Variants in CACNA1D observed in about 807,000 individuals in gnomAD.
CACNA1D encodes the protein calcium voltage-gated channel subunit alpha1 D.
CACNA1D carries 55 observed loss-of-function variants against 257.1 expected under a neutral mutation model. The ratio of observed to expected loss-of-function variants is 0.21; its 90% CI spans 0.17 to 0.27. CACNA1D has a LOEUF of 0.27. Ranked by LOEUF, CACNA1D falls within the 10% of genes least tolerant of loss-of-function variation. The pLI, the probability that CACNA1D is intolerant of heterozygous loss-of-function variation, is 1.00. For synonymous variants in CACNA1D, 980 were observed against 1,014.9 expected (o/e 0.97, Z 0.65); for missense variants, 1,876 against 2,784.0 (o/e 0.67, Z 7.34).
chr3:53,628,934 C>A (rs1409801382), intron 3 of CACNA1D, among the ~76,000 whole-genome samples: 2 of 152,208 alleles, frequency 1.3e-5, no homozygotes, highest in African/African-American at 4.8e-5. Context: ...ATTCTCTTTT[C>A]TTTTTCTGGC....
intron 3 of CACNA1D, among the ~76,000 whole-genome samples, chr3:53,575,276 G>A (rs1048747032): frequency 3.3e-5 from 5 of 152,162 alleles, no homozygotes; most frequent in Non-Finnish European, 7.4e-5. Flanking sequence ...GAGAATGCAG[G>A]TCAAGGTCAG....
chr3:53,802,035 A>T (rs533191466), intron 42 of CACNA1D, 112 bp from the exon 43 acceptor site: 1 of 939,178 alleles, frequency 1.1e-6, no homozygotes, highest in Admixed American at 1.7e-5. Context: ...ATGGCGAATC[A>T]TAATTTGCTA....
chr3:53,679,874 C>T (rs1232214289), intron 8 of CACNA1D: 2 of 152,146 alleles, frequency 1.3e-5, no homozygotes, highest in African/African-American at 2.4e-5. Flanking sequence ...CAGGGTCCTT[C>T]GGTACCCTCA....
rs750968441 is a variant in CACNA1D at position 53,596,109 on chromosome 3, C to T, written c.484-54670C>T. Among the ~76,000 whole-genome samples the T allele has an allele frequency of 3.9e-5, 6 of 152,188 alleles. No individual in the cohort carries two copies. The South Asian group carries it at 8.3e-4, about 21-fold the overall frequency. On this transcript the variant is annotated intron_variant, in intron 3 of 47. Transcript: ENST00000350061. ...CCATGGGGCTTTGAGAACCTAGTAGCGTGTGTGCTGTATCACAGTTCTCTT... is the reference window on the plus strand; with the variant it reads ...CCATGGGGCTTTGAGAACCTAGTAGTGTGTGTGCTGTATCACAGTTCTCTT...
At position 53,744,630 on chromosome 3, in the gene CACNA1D, C is replaced by G. The variant is rs1041089002; in HGVS notation, c.2919-110C>G. ...TCAGCTCAGCACCACATGGATCCCA[C>G]GCTAACTGTGCAGGGATACTAAAGT... On this transcript the variant is annotated intron_variant, in intron 22 of 47. Transcript: ENST00000350061. 1.4e-5 allele frequency: 11 copies of G among 782,910 alleles called. No homozygotes were observed. The African/African-American group carries it at 1.5e-4, about 11-fold the overall frequency. The allele number at this position is 782,910 out of a possible 1,614,324, so 48.5% of individuals were successfully genotyped here.
chr3:53,697,588 A>G (rs2094583905), intron 8 of CACNA1D, among the ~76,000 whole-genome samples: 4 of 152,238 alleles, frequency 2.6e-5, no homozygotes, highest in Admixed American at 1.3e-4. Context: ...TTTCAAATAT[A>G]TAGAACAACC....
At chr3:53,787,563 C>T (rs1001618390) in intron 40 of CACNA1D, among the ~76,000 whole-genome samples, 3 of 152,108 alleles carry the variant, frequency 2.0e-5, no homozygotes, top group Non-Finnish European at 4.4e-5. Flanking sequence ...TGGTCCCTCT[C>T]CCTCCTCCAC....
rs777264885 is a variant in CACNA1D, at chr3:53,811,124, C to T, written c.6204C>T (p.Ser2068=). 1.0e-4 allele frequency: 165 copies of T among 1,613,724 alleles called. 1 individual carries two copies. The East Asian group carries it at 2.7e-3, about 26-fold the overall frequency. ...ADSLVEAVLI[S]EGLGRYARDP... Reference sequence around the variant, plus strand: ...TCTTTTCTGTACAGGTCCTGATATCCGAAGGCTTGGGACGCTATGCAAGGG... The same window carrying T: ...TCTTTTCTGTACAGGTCCTGATATCTGAAGGCTTGGGACGCTATGCAAGGG... Residue 2068 remains serine, a synonymous_variant, in exon 48 of 48, where the codon TCC becomes TCT. Transcript: ENST00000350061. This position sits in a 1 kb window ranked among gnomAD's most constrained non-coding sequence, Gnocchi z 4.2.
At position 53,713,502 on chromosome 3, in the gene CACNA1D, ATGTGTGTGTG is replaced by A. The variant is rs35655186; in HGVS notation, c.1391-4766_1391-4757del. On this transcript the variant is annotated intron_variant, in intron 9 of 47. Transcript: ENST00000350061. ...ACATAGACTCATTTGCTCTGTGTGTATGTGTGTGTGTGTGTGTGTGTGTGTGTGTGTGTGT... is the reference window on the plus strand; with the variant it reads ...ACATAGACTCATTTGCTCTGTGTGTATGTGTGTGTGTGTGTGTGTGTGTGT... Among the ~76,000 whole-genome samples, 35 of 129,460 alleles carry A rather than the reference ATGTGTGTGTG, an allele frequency of 2.7e-4. No individual in the cohort carries two copies. In the East Asian group the frequency reaches 3.8e-3, roughly 14 times the overall value. 84.9% of individuals were successfully genotyped at this position (129,460 alleles called of 152,430 possible).
chr3:53,724,815 C>A (rs938288137), intron 14 of CACNA1D, among the ~76,000 whole-genome samples: 2 of 152,192 alleles, frequency 1.3e-5, no homozygotes, highest in Non-Finnish European at 2.9e-5. Context: ...GTGGATGAGT[C>A]ACTTACCCAT....
chr3:53,770,807 G>T (rs531412658), intron 32 of CACNA1D, among the ~76,000 whole-genome samples: 1 of 152,346 alleles, frequency 6.6e-6, no homozygotes, highest in South Asian at 2.1e-4. Flanking sequence ...TTCCAAGACT[G>T]AGAGAGGTGT....
chr3:53,694,971 GC>G (rs2094560383), intron 8 of CACNA1D, among the ~76,000 whole-genome samples: 1 of 152,180 alleles, frequency 6.6e-6, no homozygotes, highest in African/African-American at 2.4e-5. Flanking sequence ...TCTTTTGGGG[GC>G]TGGATGAGTA....
intron 3 of CACNA1D, among the ~76,000 whole-genome samples, chr3:53,531,492 T>C (rs2091947881): frequency 6.6e-6 from 1 of 152,184 alleles, no homozygotes; most frequent in Non-Finnish European, 1.5e-5. Flanking sequence ...CCAGAACATT[T>C]AGGTTATAAA....
intron 17 of CACNA1D, among the ~76,000 whole-genome samples, 196 bp downstream of exon 17, chr3:53,731,342 CTGA>C (rs527370223): frequency 1.1e-3 from 165 of 152,340 alleles, no homozygotes; most frequent in African/African-American, 3.9e-3. Context: ...GTTGTGTTTA[CTGA>C]TATTTCACCA....
In CACNA1D at chr3:53,688,253, T is replaced by A. The variant is rs149975634; in HGVS notation, c.1221-14388T>A. Among the ~76,000 whole-genome samples, 794 of 152,338 alleles carry A rather than the reference T, an allele frequency of 5.2e-3. 7 individuals are homozygous for A. The highest frequency in any genetic ancestry group is 0.018 in the African/African-American group (759 of 41,568). ...GTGAGGCAGTGATCTGGCTGCGAGCTGTGCCACCCTGGCCTGTGGGGTCTC... is the reference window on the plus strand; with the variant it reads ...GTGAGGCAGTGATCTGGCTGCGAGCAGTGCCACCCTGGCCTGTGGGGTCTC... On this transcript the variant is annotated intron_variant, in intron 8 of 47. Transcript: ENST00000350061.
At chr3:53,733,094 C>G in intron 19 of CACNA1D, 132 bp downstream of exon 19, 1 of 820,176 alleles carries the variant, frequency 1.2e-6, no homozygotes, top group Non-Finnish European at 2.0e-6. Context: ...CCCTGGCGCC[C>G]TCACCCAAGT....
At chr3:53,609,409 CAAA>C (rs33943272) in intron 3 of CACNA1D, among the ~76,000 whole-genome samples, 5,870 of 79,614 alleles carry the variant, frequency 0.074, 113 homozygotes, top group Middle Eastern at 0.099. Context: ...GACTCTACCT[CAAA>C]AAAAAAAAAA....
At chr3:53,517,185 A>T (rs1028946332) in intron 3 of CACNA1D, among the ~76,000 whole-genome samples, 8 of 150,596 alleles carry the variant, frequency 5.3e-5, no homozygotes, top group African/African-American at 2.0e-4. Flanking sequence ...ACTTGGCTTC[A>T]TCTTGCCTTC....
intron 3 of CACNA1D, among the ~76,000 whole-genome samples, chr3:53,537,881 G>T (rs1441958304): frequency 1.3e-5 from 2 of 152,148 alleles, no homozygotes; most frequent in Non-Finnish European, 2.9e-5. Flanking sequence ...GGACCTACAG[G>T]CTCATAACAT....
Sources: gnomAD v4.1 joint callset for allele counts (sites outside exome capture counted in the v4.1 genomes callset) on GRCh38, gnomAD v4.1.1 for gene constraint, Gnocchi (gnomAD v3.1) non-coding constraint, MANE v1.5 for transcripts, NCBI Gene and HGNC (gene_info 2026-07-23, HGNC 2026-07-21) for gene names.